PPP2R2B: variants seen among roughly 807,000 people sequenced by gnomAD.
PPP2R2B encodes the protein serine/threonine-protein phosphatase 2A 55 kDa regulatory subunit B beta isoform.
In PPP2R2B, 5 loss-of-function variants were observed where a neutral mutation model predicts 46.0. That is an observed-to-expected ratio of 0.11 (90% CI 0.06 to 0.23). The LOEUF (loss-of-function observed/expected upper bound fraction) is 0.23, where lower values mean the gene tolerates loss of function less well. PPP2R2B is among the 10% of genes least tolerant of loss of function. The pLI, the probability that PPP2R2B is intolerant of heterozygous loss-of-function variation, is 1.00. For synonymous variants in PPP2R2B, 215 were observed against 206.7 expected (o/e 1.04, Z -0.34); for missense variants, 367 against 575.0 (o/e 0.64, Z 3.70).
rs979058010 is a variant in PPP2R2B, at chr5:146,588,365, T to C, written c.*1582A>G. ...CTTAGAATTGAGATAAAATGATTCT[T>C]TCACTATTTTTTCCTCCTCCAAAGC... On this transcript the variant is annotated 3_prime_UTR_variant, in exon 10 of 10. Transcript: ENST00000394411. The C allele has an allele frequency of 6.6e-6, 1 of 152,184 alleles. No individual in the cohort carries two copies. The highest frequency in any genetic ancestry group is 1.9e-4 in the East Asian group (1 of 5,204). The allele number at this position is 152,184 out of a possible 1,614,324, so 9.4% of individuals were successfully genotyped here.
intron 1 of PPP2R2B, among the ~76,000 whole-genome samples, chr5:147,005,981 C>T (rs948832421): frequency 7.9e-5 from 12 of 152,146 alleles, no homozygotes; most frequent in South Asian, 4.1e-4. Flanking sequence ...GGGCATAACC[C>T]GAAAACACTG....
At chr5:146,817,701 T>C (rs1188484173) in intron 2 of PPP2R2B, among the ~76,000 whole-genome samples, 1 of 152,124 alleles carries the variant, frequency 6.6e-6, no homozygotes, top group African/African-American at 2.4e-5. Flanking sequence ...AAAATAAAAG[T>C]CTCCCCCATT....
chr5:146,603,751 T>A (rs975039353), intron 7 of PPP2R2B, among the ~76,000 whole-genome samples: 6 of 152,226 alleles, frequency 3.9e-5, no homozygotes, highest in African/African-American at 1.2e-4. Context: ...TTTATTTCAT[T>A]TAGTTGTTAA....
intron 2 of PPP2R2B, among the ~76,000 whole-genome samples, chr5:147,073,492 C>T (rs1265626979): frequency 1.3e-5 from 2 of 151,588 alleles, no homozygotes; most frequent in African/African-American, 2.4e-5. Flanking sequence ...GGAAATCCCC[C>T]TGTAGCCTAC....
At chr5:146,868,062 T>C (rs1173284932) in intron 2 of PPP2R2B, among the ~76,000 whole-genome samples, 1 of 152,210 alleles carries the variant, frequency 6.6e-6, no homozygotes, top group Non-Finnish European at 1.5e-5. Flanking sequence ...CTCTTCCCCA[T>C]CAGTGTGGCA....
intron 1 of PPP2R2B, among the ~76,000 whole-genome samples, chr5:146,971,995 AAC>A (rs1752683756): frequency 6.6e-6 from 1 of 152,200 alleles, no homozygotes; most frequent in Non-Finnish European, 1.5e-5. Context: ...TTTGGATTTT[AAC>A]AGTTTTTCTA....
chr5:146,699,037 A>G (rs752257306), intron 3 of PPP2R2B, among the ~76,000 whole-genome samples: 3 of 152,142 alleles, frequency 2.0e-5, no homozygotes, highest in Non-Finnish European at 4.4e-5. Context: ...TATTTCAGAT[A>G]TTTTAGGTCC....
Position 146,938,866 on chromosome 5 carries a change from C to T in PPP2R2B, c.79+116799G>A, listed in dbSNP as rs1764239287. 4.7e-5 allele frequency among the ~76,000 whole-genome samples: 7 copies of T among 149,720 alleles called. No individual in the cohort carries two copies. The South Asian group carries it at 1.5e-3, about 32-fold the overall frequency. On this transcript the variant is annotated intron_variant, in intron 1 of 8. Coordinates refer to the PPP2R2B transcript ENST00000336640. ...TGTGATCTCAGCTCACTGCAACCTC[C>T]ACCTCCCAGGTTCAAGCGATTCTCC... is the stretch of plus-strand genomic sequence containing the variant.
intron 1 of PPP2R2B, among the ~76,000 whole-genome samples, chr5:146,972,626 C>A (rs536504475): frequency 6.6e-6 from 1 of 152,170 alleles, no homozygotes; most frequent in East Asian, 1.9e-4. Flanking sequence ...GCAGGAGAAT[C>A]ACTTGAACAC....
chr5:146,777,888 G>A (rs968439844), intron 2 of PPP2R2B, among the ~76,000 whole-genome samples: 7 of 152,244 alleles, frequency 4.6e-5, no homozygotes, highest in African/African-American at 1.7e-4. Context: ...TGTTTAAAAA[G>A]ATGAATGCAC....
chr5:146,947,038 G>A (rs1347380348), intron 1 of PPP2R2B, among the ~76,000 whole-genome samples: 1 of 68,494 alleles, frequency 1.5e-5, no homozygotes, highest in Admixed American at 1.8e-4. Context: ...CTGCTCTTCA[G>A]TTTCAGCCCC....
intron 2 of PPP2R2B, among the ~76,000 whole-genome samples, chr5:146,838,659 T>C (rs1759444279): frequency 1.3e-5 from 2 of 150,924 alleles, no homozygotes; most frequent in African/African-American, 4.9e-5. Flanking sequence ...AAAAGAGGAA[T>C]GAGGATAGAC....
chr5:146,624,766 G>C (rs1386977408), intron 7 of PPP2R2B, among the ~76,000 whole-genome samples: 1 of 152,162 alleles, frequency 6.6e-6, no homozygotes, highest in Non-Finnish European at 1.5e-5. Flanking sequence ...AATGTGAATG[G>C]GGGCTGTGTG....
intron 7 of PPP2R2B, among the ~76,000 whole-genome samples, chr5:146,601,844 G>T (rs1771812948): frequency 6.6e-6 from 1 of 152,136 alleles, no homozygotes. Context: ...CTTTTGTGTG[G>T]ATTGTCTATT....
At chr5:146,915,161 C>T (rs1763336524) in intron 1 of PPP2R2B, among the ~76,000 whole-genome samples, 1 of 152,142 alleles carries the variant, frequency 6.6e-6, no homozygotes, top group South Asian at 2.1e-4. Context: ...TGGTAACAGC[C>T]TCCTCACTGG....
chr5:146,749,190 A>T (rs1041430458), intron 2 of PPP2R2B, among the ~76,000 whole-genome samples: 2 of 152,148 alleles, frequency 1.3e-5, no homozygotes, highest in African/African-American at 2.4e-5. Flanking sequence ...CTTATTGGTC[A>T]TCTGTCTATC....
intron 2 of PPP2R2B, among the ~76,000 whole-genome samples, chr5:146,820,153 G>A (rs1758169307): frequency 6.6e-6 from 1 of 152,172 alleles, no homozygotes; most frequent in Non-Finnish European, 1.5e-5. Flanking sequence ...GGTGACTATA[G>A]TTAACAATAA....
chr5:146,740,527 C>G (rs779668045), intron 2 of PPP2R2B, among the ~76,000 whole-genome samples: 23 of 151,434 alleles, frequency 1.5e-4, no homozygotes, highest in Admixed American at 1.4e-3. Flanking sequence ...CTCCCTCTTT[C>G]TTTTCCACAA....
chr5:146,930,587 G>C lies in PPP2R2B; in HGVS notation c.79+125078C>G, dbSNP rs188686965. ...AGCCTGTTTTGAACAGGCTTCCCAG[G>C]TTAAGGTGGTAATCTTTTCTCTCCA... On this transcript the variant is annotated intron_variant, in intron 1 of 8. Transcript: ENST00000336640. Among the ~76,000 whole-genome samples, 28 of 152,226 alleles carry C rather than the reference G, an allele frequency of 1.8e-4. No homozygotes were observed. The East Asian group carries it at 4.8e-3, about 26-fold the overall frequency.
Sources: gnomAD v4.1 joint callset for allele counts (sites outside exome capture counted in the v4.1 genomes callset) on GRCh38, gnomAD v4.1.1 for gene constraint, MANE v1.5 for transcripts, NCBI Gene and HGNC (gene_info 2026-07-23, HGNC 2026-07-21) for gene names.